Variants in PDCD1LG2 observed in about 807,000 individuals in gnomAD.
The protein encoded by PDCD1LG2 is programmed cell death 1 ligand 2.
A neutral mutation model predicts 28.2 loss-of-function variants in PDCD1LG2; 32 were observed. The ratio of observed to expected loss-of-function variants is 1.13; its 90% CI spans 0.86 to 1.52. The LOEUF (loss-of-function observed/expected upper bound fraction) is 1.52, where lower values mean the gene tolerates loss of function less well. PDCD1LG2 is among the 40% of genes most tolerant of loss of function. The pLI is 0.00. For synonymous variants in PDCD1LG2, 116 were observed against 120.2 expected (o/e 0.97, Z 0.23); for missense variants, 385 against 323.8 (o/e 1.19, Z -1.45).
chr9:5,544,442 T>C (rs1241186644), intron 3 of PDCD1LG2, among the ~76,000 whole-genome samples: 2 of 152,150 alleles, frequency 1.3e-5, no homozygotes, highest in African/African-American at 2.4e-5. Context: ...GTATAGAGCA[T>C]AGGGGAGAAA....
chr9:5,554,169 C>T (rs753945062), intron 4 of PDCD1LG2, among the ~76,000 whole-genome samples: 1 of 152,180 alleles, frequency 6.6e-6, no homozygotes, highest in Admixed American at 6.5e-5. Context: ...ATTGTTCACA[C>T]AAGTCTTCTT....
At chr9:5,523,519 G>A (rs1820316432) in intron 2 of PDCD1LG2, among the ~76,000 whole-genome samples, 1 of 152,158 alleles carries the variant, frequency 6.6e-6, no homozygotes, top group African/African-American at 2.4e-5. Context: ...CACTTGAGCT[G>A]CCCAGCCTGG....
intron 2 of PDCD1LG2, among the ~76,000 whole-genome samples, chr9:5,523,638 A>G (rs1472210811): frequency 6.6e-6 from 1 of 152,176 alleles, no homozygotes; most frequent in Non-Finnish European, 1.5e-5. Context: ...GGAACTTTTC[A>G]TGTTTTCTTT....
At chr9:5,538,217 T>G (rs1217844941) in intron 3 of PDCD1LG2, among the ~76,000 whole-genome samples, 1 of 152,166 alleles carries the variant, frequency 6.6e-6, no homozygotes, top group African/African-American at 2.4e-5. Context: ...TTTATTCTCT[T>G]TTTTCCACAT....
In PDCD1LG2 at chr9:5,571,254, A is replaced by G. The variant is rs896024554; in HGVS notation, c.*1295A>G. ...AATAAAACTCAATTGTTATTCTTCA[A>G]CGTTCTTTATATATTCTACTTTTGG... On this transcript the variant is annotated 3_prime_UTR_variant, in exon 7 of 7. Transcript: ENST00000397747. The G allele has an allele frequency of 3.0e-5, 7 of 231,646 alleles. No homozygotes were observed. Among genetic ancestry groups the G allele is most frequent in the African/African-American group, 1.3e-4 (6 of 45,396 alleles). 14.3% of individuals were successfully genotyped at this position (231,646 alleles called of 1,614,324 possible).
chr9:5,527,153 G>A (rs572539181), intron 2 of PDCD1LG2, among the ~76,000 whole-genome samples: 1 of 152,326 alleles, frequency 6.6e-6, no homozygotes, highest in East Asian at 1.9e-4. Context: ...ATACATGGAT[G>A]TACTTACATA....
At chr9:5,548,294 C>G (rs1042667712) in intron 3 of PDCD1LG2, among the ~76,000 whole-genome samples, 1 of 152,084 alleles carries the variant, frequency 6.6e-6, no homozygotes, top group South Asian at 2.1e-4. Flanking sequence ...AGCATAATAC[C>G]CTTCAGTTCC....
At chr9:5,561,785 C>G (rs1019364387) in intron 5 of PDCD1LG2, among the ~76,000 whole-genome samples, 4 of 152,202 alleles carry the variant, frequency 2.6e-5, no homozygotes, top group African/African-American at 9.6e-5. Flanking sequence ...GAACCAGACT[C>G]TAAGTGGCAC....
chr9:5,534,460 G>A (rs1820540776), intron 2 of PDCD1LG2, among the ~76,000 whole-genome samples: 1 of 152,200 alleles, frequency 6.6e-6, no homozygotes. Flanking sequence ...AAGCAGTGCT[G>A]TCCACCAGAA....
intron 2 of PDCD1LG2, among the ~76,000 whole-genome samples, chr9:5,533,059 A>T (rs1367497025): frequency 2.0e-5 from 3 of 152,224 alleles, no homozygotes; most frequent in African/African-American, 4.8e-5. Flanking sequence ...CACATTTTAT[A>T]CTGAAACAAC....
chr9:5,537,782 T>C (rs1231444615), intron 3 of PDCD1LG2, among the ~76,000 whole-genome samples: 1 of 152,124 alleles, frequency 6.6e-6, no homozygotes, highest in Non-Finnish European at 1.5e-5. Context: ...TAATGTTTAA[T>C]GACAAGTTAA....
chr9:5,546,401 T>A (rs1816206663), intron 3 of PDCD1LG2, among the ~76,000 whole-genome samples: 1 of 152,144 alleles, frequency 6.6e-6, no homozygotes, highest in Non-Finnish European at 1.5e-5. Context: ...ACAAAAGACA[T>A]TGAACCAAGG....
At position 5,549,618 on chromosome 9, in the gene PDCD1LG2, C is replaced by T. The variant is rs760628532; in HGVS notation, c.631+14C>T. On this transcript the variant is annotated intron_variant, in intron 4 of 6. Transcript: ENST00000397747. ...TTGACCTTCAAAGTAAGAGCTGCCC[C>T]CACTTCCTAGGTCTATCAGTTAGGG... The T allele has an allele frequency of 5.0e-6, 8 of 1,613,682 alleles. No homozygotes were observed. The highest frequency in any genetic ancestry group is 3.3e-5 in the South Asian group (3 of 91,062).
intron 1 of PDCD1LG2, among the ~76,000 whole-genome samples, chr9:5,519,621 T>C (rs2129711137): frequency 6.6e-6 from 1 of 152,346 alleles, no homozygotes; most frequent in Non-Finnish European, 1.5e-5. Context: ...GTAATGCAGA[T>C]ATCCATGACT....
intron 6 of PDCD1LG2, among the ~76,000 whole-genome samples, chr9:5,567,952 TC>T (rs1816697260): frequency 6.6e-6 from 1 of 152,242 alleles, no homozygotes; most frequent in Admixed American, 6.5e-5. Flanking sequence ...TTGTTTGTTT[TC>T]ATGAGTATCC....
chr9:5,535,225 A>T (rs1820557162), intron 3 of PDCD1LG2, among the ~76,000 whole-genome samples, 175 bp downstream of exon 3: 1 of 152,236 alleles, frequency 6.6e-6, no homozygotes, highest in African/African-American at 2.4e-5. Context: ...ACATCTGAGT[A>T]CAAAGCAGCC....
intron 1 of PDCD1LG2, among the ~76,000 whole-genome samples, chr9:5,516,243 G>C (rs1262666590): frequency 6.6e-6 from 1 of 152,132 alleles, no homozygotes; most frequent in Non-Finnish European, 1.5e-5. Context: ...AGTAGAGACG[G>C]GGTTTCGCCA....
chr9:5,542,358 C>T lies in PDCD1LG2; in HGVS notation c.362-6977C>T, dbSNP rs191264054. On this transcript the variant is annotated intron_variant, in intron 3 of 6. Coordinates refer to ENST00000397747, the MANE Select transcript of PDCD1LG2 (RefSeq NM_025239.4). ...ATAGGGACTTAATTAAACTAAAAAG[C>T]TTCTGCACAGCAAAAGAAATAATCA... Among the ~76,000 whole-genome samples the T allele has an allele frequency of 8.1e-5, 12 of 147,630 alleles. No individual in the cohort carries two copies. The East Asian group carries it at 2.5e-3, about 30-fold the overall frequency.
intron 3 of PDCD1LG2, among the ~76,000 whole-genome samples, chr9:5,547,583 G>T (rs1403287699): frequency 1.3e-5 from 2 of 152,042 alleles, no homozygotes; most frequent in Non-Finnish European, 2.9e-5. Flanking sequence ...ATTTTTAACT[G>T]GCAATAATGT....
Sources: gnomAD v4.1 joint callset for allele counts (sites outside exome capture counted in the v4.1 genomes callset) on GRCh38, gnomAD v4.1.1 for gene constraint, MANE v1.5 for transcripts, NCBI Gene and HGNC (gene_info 2026-07-23, HGNC 2026-07-21) for gene names.